MGMT: variants seen among roughly 807,000 people sequenced by gnomAD.
The protein encoded by MGMT is O-6-methylguanine-DNA methyltransferase.
MGMT carries 14 observed loss-of-function variants against 15.9 expected under a neutral mutation model. The observed-to-expected ratio is 0.88, with a 90% CI of 0.58 to 1.37. The LOEUF (loss-of-function observed/expected upper bound fraction) is 1.37. Among genes scored for constraint, MGMT ranks in the 40% most tolerant of loss-of-function variants. The probability of loss-of-function intolerance (pLI) is 0.00; values close to 1 mark genes in which losing one functional copy is unlikely to be tolerated. For missense variants in MGMT, 282 were observed against 268.1 expected (o/e 1.05, Z -0.36); for synonymous variants, 130 against 118.2 (o/e 1.10, Z -0.65).
chr10:129,645,362 T>C (rs111593259), intron 2 of MGMT, among the ~76,000 whole-genome samples: 7,485 of 152,164 alleles, frequency 0.049, 212 homozygotes, highest in Middle Eastern at 0.088. Context: ...CCTCAGGTGA[T>C]CCACCCACCT....
At chr10:129,586,446 T>C (rs1846619130) in intron 2 of MGMT, among the ~76,000 whole-genome samples, 1 of 152,230 alleles carries the variant, frequency 6.6e-6, no homozygotes, top group South Asian at 2.1e-4. Flanking sequence ...TACATATATA[T>C]TGTATTTTAC....
chr10:129,573,587 A>G lies in MGMT; in HGVS notation c.125+37210A>G, dbSNP rs965255444. 2.0e-5 allele frequency among the ~76,000 whole-genome samples: 3 copies of G among 151,396 alleles called. No individual in the cohort carries two copies. In the South Asian group the frequency reaches 6.2e-4, roughly 31 times the overall value. ...TTTAAATGTTGTTTTTCATATTTTC[A>G]TCTCTATTTATTTATTTGAAATGTG... On this transcript the variant is annotated intron_variant, in intron 2 of 4. Transcript: ENST00000651593.
intron 2 of MGMT, among the ~76,000 whole-genome samples, chr10:129,606,080 C>A (rs529326868): frequency 6.6e-6 from 1 of 152,246 alleles, no homozygotes; most frequent in African/African-American, 2.4e-5. Flanking sequence ...CGTAAAACAA[C>A]GTAGTATTCA....
chr10:129,562,452 G>A (rs986432480), intron 2 of MGMT, among the ~76,000 whole-genome samples: 1 of 152,228 alleles, frequency 6.6e-6, no homozygotes, highest in Non-Finnish European at 1.5e-5. Context: ...AGGACAGCTA[G>A]CAAAGAGAAC....
intron 3 of MGMT, among the ~76,000 whole-genome samples, chr10:129,735,316 C>G (rs1340262369): frequency 6.6e-6 from 1 of 152,154 alleles, no homozygotes; most frequent in Non-Finnish European, 1.5e-5. Context: ...GGAATTTATC[C>G]ATTTCTTCTA....
chr10:129,595,545 G>A (rs551616017), intron 2 of MGMT, among the ~76,000 whole-genome samples: 2 of 152,104 alleles, frequency 1.3e-5, no homozygotes, highest in Non-Finnish European at 2.9e-5. Flanking sequence ...TGGTCTTCGG[G>A]GGGGTCTGAC....
intron 3 of MGMT, among the ~76,000 whole-genome samples, chr10:129,737,333 C>T (rs924332061): frequency 1.3e-5 from 2 of 152,130 alleles, no homozygotes; most frequent in Non-Finnish European, 2.9e-5. Context: ...CCCTTTCTTC[C>T]AGTTGATTGC....
At chr10:129,702,961 C>T (rs771660666) in intron 2 of MGMT, among the ~76,000 whole-genome samples, 26 of 152,090 alleles carry the variant, frequency 1.7e-4, no homozygotes, top group Non-Finnish European at 1.5e-4. Flanking sequence ...GGGCCGAGCG[C>T]GGCAGGGAAG....
chr10:129,694,285 C>T (rs1848004630), intron 2 of MGMT: 1 of 152,274 alleles, frequency 6.6e-6, no homozygotes, highest in Non-Finnish European at 1.5e-5. Context: ...CATGCCGGGG[C>T]TTCTTCCTTG....
At chr10:129,680,720 C>A (rs1456757742) in intron 2 of MGMT, among the ~76,000 whole-genome samples, 1 of 152,234 alleles carries the variant, frequency 6.6e-6, no homozygotes, top group East Asian at 1.9e-4. Context: ...CCTCAGGTAC[C>A]CGCTCTGGGA....
intron 2 of MGMT, among the ~76,000 whole-genome samples, chr10:129,558,476 C>T (rs1846240230): frequency 6.6e-6 from 1 of 152,164 alleles, no homozygotes; most frequent in Non-Finnish European, 1.5e-5. Context: ...TGATGCAGAG[C>T]GTGGCCCTGG....
intron 2 of MGMT, chr10:129,694,114 G>T (rs1848002546): frequency 6.6e-6 from 1 of 152,222 alleles, no homozygotes; most frequent in South Asian, 2.1e-4. Context: ...AATAAAGCTG[G>T]TTGCCTTAGT....
At chr10:129,693,889 T>G in intron 2 of MGMT, 1 of 144,000 alleles carries the variant, frequency 6.9e-6, no homozygotes, top group Non-Finnish European at 1.5e-5. Context: ...GGCGACAGAG[T>G]GAGATTCCAT....
chr10:129,718,222 G>A (rs187310068), intron 3 of MGMT, among the ~76,000 whole-genome samples: 73 of 152,350 alleles, frequency 4.8e-4, no homozygotes, highest in Non-Finnish European at 8.4e-4. Flanking sequence ...TGCTTCATCT[G>A]CTGAATGTGC....
intron 2 of MGMT, among the ~76,000 whole-genome samples, chr10:129,702,605 G>A (rs1425105812): frequency 1.3e-5 from 2 of 152,154 alleles, no homozygotes; most frequent in African/African-American, 2.4e-5. Flanking sequence ...AGGGTTTGAG[G>A]GATGGGACAG....
intron 2 of MGMT, among the ~76,000 whole-genome samples, chr10:129,547,083 T>TA (rs1846105497): frequency 6.6e-6 from 1 of 152,194 alleles, no homozygotes; most frequent in Non-Finnish European, 1.5e-5. Context: ...GCAGAATTCT[T>TA]AGTGTTCTTC....
At chr10:129,605,573 A>G (rs1846879329) in intron 2 of MGMT, among the ~76,000 whole-genome samples, 1 of 151,988 alleles carries the variant, frequency 6.6e-6, no homozygotes, top group Non-Finnish European at 1.5e-5. Context: ...ATAGTGGATC[A>G]TATTTAAAAA....
chr10:129,648,160 TTTTA>T (rs1312441721), intron 2 of MGMT, among the ~76,000 whole-genome samples: 1 of 152,198 alleles, frequency 6.6e-6, no homozygotes, highest in African/African-American at 2.4e-5. Flanking sequence ...CTCCATAATA[TTTTA>T]TTTATTACAC....
chr10:129,734,766 A>G (rs1043505791), intron 3 of MGMT, among the ~76,000 whole-genome samples: 4 of 152,176 alleles, frequency 2.6e-5, no homozygotes, highest in Non-Finnish European at 5.9e-5. Context: ...AGTTTTTAGC[A>G]TGAAGGGTTG....
Sources: gnomAD v4.1 joint callset for allele counts (sites outside exome capture counted in the v4.1 genomes callset) on GRCh38, gnomAD v4.1.1 for gene constraint, MANE v1.5 for transcripts, NCBI Gene and HGNC (gene_info 2026-07-23, HGNC 2026-07-21) for gene names.